TUSC3: variants seen among roughly 807,000 people sequenced by gnomAD.
TUSC3 encodes the protein dolichyl-diphosphooligosaccharide--protein glycosyltransferase subunit TUSC3.
In TUSC3, 45 loss-of-function variants were observed where a neutral mutation model predicts 44.8. The observed-to-expected ratio is 1.00, with a 90% CI of 0.79 to 1.29. The LOEUF (loss-of-function observed/expected upper bound fraction) is 1.29. Ranked by LOEUF, TUSC3 falls within the 50% of genes most tolerant of loss-of-function variation. The pLI is 0.00. For synonymous variants in TUSC3, 212 were observed against 152.9 expected (o/e 1.39, Z -2.85); for missense variants, 519 against 437.9 (o/e 1.19, Z -1.65).
At chr8:15,604,219 T>C (rs1157968440) in intron 1 of TUSC3, among the ~76,000 whole-genome samples, 1 of 151,644 alleles carries the variant, frequency 6.6e-6, no homozygotes, top group Non-Finnish European at 1.5e-5. Flanking sequence ...TATGTACCTG[T>C]TTATGGGTGC....
chr8:15,669,782 C>T (rs1585211908), intron 5 of TUSC3, among the ~76,000 whole-genome samples: 1 of 151,626 alleles, frequency 6.6e-6, no homozygotes, highest in Non-Finnish European at 1.5e-5. Context: ...AGGAATAATA[C>T]AAGATGCCTG....
At chr8:15,846,884 A>G in the TUSC3 span, among the ~76,000 whole-genome samples, 6 of 151,680 alleles carry the variant, frequency 4.0e-5, no homozygotes, top group African/African-American at 1.5e-4. Context: ...TTTGAAAAAA[A>G]AAAAAACACA....
intron 1 of TUSC3, among the ~76,000 whole-genome samples, chr8:15,595,685 A>C (rs1336435705): frequency 6.6e-6 from 1 of 152,200 alleles, no homozygotes; most frequent in Non-Finnish European, 1.5e-5. Context: ...CCAGAGATTG[A>C]TAAGAGAAAT....
chr8:15,773,088 C>G, the TUSC3 span, among the ~76,000 whole-genome samples: 2 of 152,170 alleles, frequency 1.3e-5, no homozygotes, highest in Non-Finnish European at 2.9e-5. Flanking sequence ...GCAAGAATGC[C>G]TACTTTCGCC....
exon 2 of TUSC3, chr8:15,483,395 C>A: frequency 5.1e-6 from 1 of 195,304 alleles, no homozygotes; most frequent in Non-Finnish European, 1.0e-5. Context: ...GGCTGGAGTA[C>A]AATGGCACCA....
chr8:15,676,659 G>T (rs937196469), intron 6 of TUSC3, among the ~76,000 whole-genome samples: 1 of 152,050 alleles, frequency 6.6e-6, no homozygotes, highest in African/African-American at 2.4e-5. Context: ...GGCAACTACC[G>T]ACTACTGGCA....
At chr8:15,635,385 A>G (rs1449273508) in intron 2 of TUSC3, among the ~76,000 whole-genome samples, 1 of 152,154 alleles carries the variant, frequency 6.6e-6, no homozygotes, top group Non-Finnish European at 1.5e-5. Flanking sequence ...AATGCATGTC[A>G]CAATGCTGGA....
At chr8:15,456,875 TTAAA>T (rs1387347210) in intron 1 of TUSC3, among the ~76,000 whole-genome samples, 2 of 152,158 alleles carry the variant, frequency 1.3e-5, no homozygotes, top group Non-Finnish European at 2.9e-5. Context: ...GAACTATTTC[TTAAA>T]TAAAATACCA....
chr8:15,725,570 T>G (rs149810654), intron 6 of TUSC3, among the ~76,000 whole-genome samples: 5 of 152,108 alleles, frequency 3.3e-5, no homozygotes, highest in African/African-American at 9.6e-5. Context: ...CCTAAGACAT[T>G]AAAATTTGGA....
chr8:15,446,749 G>A (rs1185119126), intron 1 of TUSC3, among the ~76,000 whole-genome samples: 1 of 102,296 alleles, frequency 9.8e-6, no homozygotes, highest in Admixed American at 1.1e-4. Flanking sequence ...GGAGGGAGGG[G>A]GGAGGGGGAG....
At chr8:15,504,104 A>C (rs1801012489) in intron 2 of TUSC3, among the ~76,000 whole-genome samples, 1 of 152,082 alleles carries the variant, frequency 6.6e-6, no homozygotes, top group South Asian at 2.1e-4. Flanking sequence ...CAAATGAGGC[A>C]CACATGCTTC....
chr8:15,662,262 T>C lies in TUSC3; in HGVS notation c.674T>C (p.Ile225Thr), dbSNP rs761328711. 6.2e-7 allele frequency: 1 copy of C among 1,613,106 alleles called. No homozygotes were observed. The highest frequency in any genetic ancestry group is 8.5e-7 in the Non-Finnish European group (1 of 1,179,290). Residue 225 changes from isoleucine to threonine, a missense_variant, in exon 5 of 11, where the codon ATC becomes ACC. Ile to Thr is a moderately conservative substitution (Grantham distance 89). Coordinates refer to ENST00000503731, the MANE Select transcript of TUSC3 (RefSeq NM_006765.4). ...LYLRRNNLEF[I>T]YNKTGWAMVS... ...TTGAGAAGGAACAACTTGGAGTTCA[T>C]CTATAACAAGACTGGTTGGGCCATG...
At chr8:15,849,030 AAAGT>A in the TUSC3 span, among the ~76,000 whole-genome samples, 8 of 152,204 alleles carry the variant, frequency 5.3e-5, no homozygotes, top group Non-Finnish European at 1.5e-5. Context: ...TACTTTTAAT[AAAGT>A]AAGAGCTCAA....
chr8:15,678,556 C>A (rs1325695333), intron 6 of TUSC3, among the ~76,000 whole-genome samples: 1 of 152,140 alleles, frequency 6.6e-6, no homozygotes, highest in Non-Finnish European at 1.5e-5. Flanking sequence ...GTCTTGTAAA[C>A]AATCCTTCAG....
chr8:15,536,779 G>C (rs143119126), upstream of TUSC3, among the ~76,000 whole-genome samples: 1 of 149,174 alleles, frequency 6.7e-6, no homozygotes, highest in African/African-American at 2.5e-5. Flanking sequence ...TGGGAGGTTG[G>C]TGAGATTTTA....
chr8:15,464,460 A>T (rs76670545), intron 1 of TUSC3, among the ~76,000 whole-genome samples: 2,608 of 152,290 alleles, frequency 0.017, 79 homozygotes, highest in African/African-American at 0.06. Flanking sequence ...GCATAATAGG[A>T]AACAGTGCAG....
At chr8:15,703,016 A>G (rs1585247352) in intron 6 of TUSC3, among the ~76,000 whole-genome samples, 1 of 152,286 alleles carries the variant, frequency 6.6e-6, no homozygotes, top group East Asian at 1.9e-4. Context: ...CAATGGAGGT[A>G]GTAGTGAGGC....
intron 2 of TUSC3, among the ~76,000 whole-genome samples, chr8:15,638,529 T>C (rs1380344941): frequency 3.7e-5 from 5 of 133,556 alleles, no homozygotes; most frequent in South Asian, 2.5e-4. Context: ...TTTTTTTTTT[T>C]TTTTTTTTTT....
At chr8:15,820,989 A>C in the TUSC3 span, among the ~76,000 whole-genome samples, 1 of 152,170 alleles carries the variant, frequency 6.6e-6, no homozygotes, top group Non-Finnish European at 1.5e-5. Flanking sequence ...TGTTACTCTT[A>C]ACAAAACATT....
Sources: gnomAD v4.1 joint callset for allele counts (sites outside exome capture counted in the v4.1 genomes callset) on GRCh38, gnomAD v4.1.1 for gene constraint, MANE v1.5 for transcripts, NCBI Gene and HGNC (gene_info 2026-07-23, HGNC 2026-07-21) for gene names.